LRRC20: variants seen among roughly 807,000 people sequenced by gnomAD.
LRRC20 encodes leucine rich repeat containing 20, also known as leucine-rich repeat-containing protein 20.
A neutral mutation model predicts 14.4 loss-of-function variants in LRRC20; 11 were observed. The observed-to-expected ratio is 0.77, with a 90% CI of 0.48 to 1.27. LRRC20 has a LOEUF of 1.27. Among genes scored for constraint, LRRC20 ranks in the 50% most tolerant of loss-of-function variants. LRRC20 has a pLI of 0.00. For missense variants in LRRC20, 219 were observed against 251.2 expected, an observed-to-expected ratio of 0.87 and a Z score of 0.87; for synonymous variants, 121 against 107.3, an observed-to-expected ratio of 1.13 and a Z score of -0.79.
chr10:70,367,337 A>AG (rs1844049742), intron 2 of LRRC20, among the ~76,000 whole-genome samples: 2 of 146,762 alleles, frequency 1.4e-5, no homozygotes, highest in African/African-American at 5.0e-5. Flanking sequence ...TCAAAAAAAA[A>AG]AAAAAAGAAA....
intron 2 of LRRC20, among the ~76,000 whole-genome samples, chr10:70,369,457 C>G (rs1467406507): frequency 2.0e-5 from 3 of 152,100 alleles, no homozygotes; most frequent in African/African-American, 7.2e-5. Context: ...AAAAGCAAAG[C>G]AGGAGAGGAG....
At chr10:70,374,284 T>C (rs955366815) in intron 2 of LRRC20, among the ~76,000 whole-genome samples, 2 of 151,132 alleles carry the variant, frequency 1.3e-5, no homozygotes, top group South Asian at 4.2e-4. Context: ...TTCCCTCCCC[T>C]GCGGCCTCTC....
chr10:70,312,759 C>T (rs10823519), intron 4 of LRRC20, among the ~76,000 whole-genome samples: 36,454 of 152,088 alleles, frequency 0.24, 5,538 homozygotes, highest in Non-Finnish European at 0.33. Context: ...TCTTTAAGAC[C>T]GTCCTTCCAC....
At chr10:70,374,437 A>G (rs1844429652) in intron 2 of LRRC20, among the ~76,000 whole-genome samples, 1 of 149,368 alleles carries the variant, frequency 6.7e-6, no homozygotes, top group South Asian at 2.1e-4. Context: ...TGCAACCTCC[A>G]TCTCCTGGGT....
intron 1 of LRRC20, among the ~76,000 whole-genome samples, chr10:70,380,164 A>G (rs1043905370): frequency 5.9e-5 from 9 of 152,186 alleles, no homozygotes; most frequent in Non-Finnish European, 1.2e-4. Context: ...GCAAGTTCAG[A>G]CGTCCTATTG....
intron 2 of LRRC20, among the ~76,000 whole-genome samples, chr10:70,348,387 T>C (rs776646470): frequency 1.5e-4 from 23 of 152,154 alleles, no homozygotes; most frequent in Non-Finnish European, 1.9e-4. Flanking sequence ...CCTTACACAG[T>C]CATGTTCCCA....
At position 70,310,141 on chromosome 10, in the gene LRRC20, C is replaced by A. The variant is rs562450634; in HGVS notation, c.401-8633G>T. The stretch of plus-strand genomic sequence containing the variant: ...ATCAAACATGCCAAAGCTGGCAGAA[C>A]CAACACATCAGAGCAGTCAAACTCG... On this transcript the variant is annotated intron_variant, in intron 4 of 4. Coordinates refer to ENST00000446961, the MANE Select transcript of LRRC20 (RefSeq NM_001278212.2). Among the ~76,000 whole-genome samples the A allele has an allele frequency of 7.2e-5, 11 of 152,332 alleles. No individual in the cohort carries two copies. In the South Asian group the frequency reaches 2.1e-3, roughly 29 times the overall value.
rs946473955 is a variant in LRRC20 at position 70,320,252 on chromosome 10, G to A, written c.400+3611C>T. The stretch of plus-strand genomic sequence containing the variant: ...TAAGAGTGGCTTTCAATATTTTTTC[G>A]TCATGACTAAGAGTAAGAAATACCA... On this transcript the variant is annotated intron_variant, in intron 4 of 4. Coordinates refer to ENST00000446961, the MANE Select transcript of LRRC20 (RefSeq NM_001278212.2). Among the ~76,000 whole-genome samples, 17 of 151,838 alleles carry A rather than the reference G, an allele frequency of 1.1e-4. No individual in the cohort carries two copies. The Middle Eastern group carries it at 0.01, about 91-fold the overall frequency.
intron 4 of LRRC20, among the ~76,000 whole-genome samples, chr10:70,309,390 C>G (rs78094689): frequency 6.6e-6 from 1 of 152,158 alleles, no homozygotes; most frequent in Non-Finnish European, 1.5e-5. Flanking sequence ...AAGGTTGCCA[C>G]GCCAGTAAGT....
At chr10:70,332,094 C>A (rs573260658) in intron 3 of LRRC20, among the ~76,000 whole-genome samples, 1 of 152,318 alleles carries the variant, frequency 6.6e-6, no homozygotes, top group Non-Finnish European at 1.5e-5. Context: ...CGGCAATGAG[C>A]AATCACAGTC....
At chr10:70,365,808 C>T (rs1397451620) in intron 2 of LRRC20, among the ~76,000 whole-genome samples, 2 of 152,168 alleles carry the variant, frequency 1.3e-5, no homozygotes. Flanking sequence ...TGGTGGCTCA[C>T]GCCTGTAATC....
At chr10:70,334,117 T>C (rs1267530815) in intron 3 of LRRC20, among the ~76,000 whole-genome samples, 1 of 150,906 alleles carries the variant, frequency 6.6e-6, no homozygotes, top group Non-Finnish European at 1.5e-5. Flanking sequence ...GCCACTGCAC[T>C]CCACCCTGGG....
chr10:70,333,871 C>T (rs975194651), intron 3 of LRRC20, among the ~76,000 whole-genome samples: 4 of 152,244 alleles, frequency 2.6e-5, no homozygotes, highest in South Asian at 4.1e-4. Flanking sequence ...TGTTTCTGGC[C>T]GGGTGCTGTG....
At chr10:70,334,780 G>A (rs561829683) in intron 3 of LRRC20, among the ~76,000 whole-genome samples, 75 of 152,340 alleles carry the variant, frequency 4.9e-4, no homozygotes, top group Non-Finnish European at 9.1e-4. Flanking sequence ...AGTGTGCAGA[G>A]AGGAGCCAAG....
intron 2 of LRRC20, among the ~76,000 whole-genome samples, chr10:70,365,053 C>CTTTTTTTT (rs10581759): frequency 4.2e-5 from 3 of 71,430 alleles, no homozygotes; most frequent in African/African-American, 1.6e-4. Context: ...TGAGATTCAA[C>CTTTTTTTT]TTTTTTTTTT....
At chr10:70,309,289 G>C (rs1841550140) in intron 4 of LRRC20, among the ~76,000 whole-genome samples, 1 of 152,220 alleles carries the variant, frequency 6.6e-6, no homozygotes, top group African/African-American at 2.4e-5. Context: ...GCTGCTTCTG[G>C]GAACTGATGT....
intron 2 of LRRC20, among the ~76,000 whole-genome samples, chr10:70,357,408 G>A (rs909921658): frequency 4.6e-5 from 7 of 152,234 alleles, no homozygotes; most frequent in Non-Finnish European, 1.0e-4. Context: ...CGAACAGGTG[G>A]TTCTGAGCAT....
At chr10:70,378,543 T>C (rs542623019) in intron 1 of LRRC20, among the ~76,000 whole-genome samples, 11 of 151,214 alleles carry the variant, frequency 7.3e-5, no homozygotes, top group African/African-American at 2.2e-4. Context: ...TCCCAGCACT[T>C]TGGAAGGCCG....
chr10:70,362,023 C>T (rs2137107925), intron 2 of LRRC20, among the ~76,000 whole-genome samples: 1 of 152,222 alleles, frequency 6.6e-6, no homozygotes, highest in East Asian at 1.9e-4. Context: ...CCCGTCTCTA[C>T]TAAAAATACA....
Sources: gnomAD v4.1 joint callset for allele counts (sites outside exome capture counted in the v4.1 genomes callset) on GRCh38, gnomAD v4.1.1 for gene constraint, MANE v1.5 for transcripts, NCBI Gene and HGNC (gene_info 2026-07-23, HGNC 2026-07-21) for gene names.